The following CTNNA3 variants were observed in gnomAD, a reference collection of about 807,000 sequenced individuals.
CTNNA3 encodes catenin alpha-3.
CTNNA3 carries 76 observed loss-of-function variants against 95.7 expected under a neutral mutation model. That is an observed-to-expected ratio of 0.79 (90% CI 0.66 to 0.96). CTNNA3 has a LOEUF of 0.96. Among genes scored for constraint, CTNNA3 ranks in the 40% least tolerant of loss-of-function variants. CTNNA3 has a pLI of 0.00. For synonymous variants in CTNNA3, 431 were observed against 374.4 expected (o/e 1.15, Z -1.74); for missense variants, 1,191 against 1,089.8 (o/e 1.09, Z -1.31).
exon 1 of CTNNA3, among the ~76,000 whole-genome samples, chr10:67,763,456 T>C (rs960284251): frequency 2.0e-5 from 3 of 152,194 alleles, no homozygotes; most frequent in African/African-American, 7.2e-5. Context: ...AGTCACAACA[T>C]AGAGGCTTCC....
chr10:67,319,218 C>T (rs1257948694), intron 5 of CTNNA3, among the ~76,000 whole-genome samples: 2 of 152,190 alleles, frequency 1.3e-5, no homozygotes, highest in Non-Finnish European at 2.9e-5. Context: ...TCCTGTGTGA[C>T]TTCACTAAAA....
chr10:67,006,257 T>C (rs1057315420), intron 7 of CTNNA3, among the ~76,000 whole-genome samples: 3 of 152,114 alleles, frequency 2.0e-5, no homozygotes, highest in African/African-American at 7.2e-5. Context: ...AGCTGTACTC[T>C]CTTCTCTACA....
At chr10:67,433,031 G>A (rs948535150) in intron 5 of CTNNA3, among the ~76,000 whole-genome samples, 1 of 151,918 alleles carries the variant, frequency 6.6e-6, no homozygotes, top group South Asian at 2.1e-4. Flanking sequence ...TTCACAACTT[G>A]GCTGTTTGGC....
In CTNNA3 at chr10:66,379,259, C is replaced by A. The variant is rs750542481; in HGVS notation, c.1625G>T (p.Gly542Val). The A allele has an allele frequency of 1.2e-6, 2 of 1,613,988 alleles. No homozygotes were observed. Among genetic ancestry groups the A allele is most frequent in the East Asian group, 4.5e-5 (2 of 44,878 alleles). ...NLDRAAGAIR[G>V]RAARVAHIVT... Reference sequence around the variant, plus strand: ...GATGTGAGCAACTCTTGCTGCCCGGCCTCTGATAGCACCCGCAGCACGGTC... The same window carrying A: ...GATGTGAGCAACTCTTGCTGCCCGGACTCTGATAGCACCCGCAGCACGGTC... Residue 542 changes from glycine to valine, a missense_variant, in exon 12 of 18, where the codon GGC (glycine) becomes GTC (valine). Transcript: ENST00000433211.
chr10:66,589,685 C>G (rs1843479960), intron 10 of CTNNA3, among the ~76,000 whole-genome samples: 1 of 152,138 alleles, frequency 6.6e-6, no homozygotes, highest in African/African-American at 2.4e-5. Flanking sequence ...GAGATGTTGT[C>G]ATATTAACAG....
intron 2 of CTNNA3, among the ~76,000 whole-genome samples, chr10:67,611,414 C>T (rs893379816): frequency 2.6e-5 from 4 of 152,040 alleles, no homozygotes; most frequent in Non-Finnish European, 4.4e-5. Context: ...CCCAGGTTCA[C>T]ACCATTCGCC....
intron 7 of CTNNA3, among the ~76,000 whole-genome samples, chr10:67,043,912 A>T (rs1358636831): frequency 6.6e-6 from 1 of 151,802 alleles, no homozygotes; most frequent in Non-Finnish European, 1.5e-5. Context: ...ATTTTAATGC[A>T]AAAATAATCT....
In CTNNA3 at chr10:67,449,076, T is replaced by G. The variant is rs1443708953; in HGVS notation, c.579+72766A>C. The stretch of plus-strand genomic sequence containing the variant: ...AAAAGCCAAATCAGCCGAATCTCAT[T>G]TACAATTGACACAAAACGAATTAAA... On this transcript the variant is annotated intron_variant, in intron 5 of 17. Transcript: ENST00000433211. Among the ~76,000 whole-genome samples the G allele has an allele frequency of 2.6e-5, 4 of 151,908 alleles. No individual in the cohort carries two copies. In the East Asian group the frequency reaches 5.8e-4, roughly 22 times the overall value.
intron 5 of CTNNA3, among the ~76,000 whole-genome samples, chr10:67,347,962 C>A (rs1338478427): frequency 1.3e-5 from 2 of 152,060 alleles, no homozygotes; most frequent in African/African-American, 4.8e-5. Flanking sequence ...TACCTGTACT[C>A]TGCTTCACCA....
chr10:67,430,412 C>T (rs1482601154), intron 5 of CTNNA3, among the ~76,000 whole-genome samples: 4 of 152,000 alleles, frequency 2.6e-5, no homozygotes, highest in Non-Finnish European at 1.5e-5. Context: ...ACTAGATGTC[C>T]TCTAAAATCT....
chr10:67,714,619 G>A (rs1841132000), intron 1 of CTNNA3, among the ~76,000 whole-genome samples: 1 of 152,186 alleles, frequency 6.6e-6, no homozygotes, highest in Non-Finnish European at 1.5e-5. Context: ...ATGCTAAAAT[G>A]AGTTAAGACT....
At chr10:66,613,488 G>A (rs1844401517) in intron 10 of CTNNA3, among the ~76,000 whole-genome samples, 1 of 151,960 alleles carries the variant, frequency 6.6e-6, no homozygotes, top group Non-Finnish European at 1.5e-5. Context: ...AAGATACAGG[G>A]CAGTGATAGG....
chr10:66,538,801 TC>T (rs1222375224), intron 10 of CTNNA3, among the ~76,000 whole-genome samples: 9 of 152,158 alleles, frequency 5.9e-5, no homozygotes, highest in Admixed American at 2.0e-4. Context: ...ACAAATTCTA[TC>T]CTAGCTAGAG....
chr10:66,889,241 G>C (rs1182111601), intron 7 of CTNNA3, among the ~76,000 whole-genome samples: 1 of 152,166 alleles, frequency 6.6e-6, no homozygotes, highest in Non-Finnish European at 1.5e-5. Flanking sequence ...GGATGAATAG[G>C]TGGGACACAG....
intron 9 of CTNNA3, among the ~76,000 whole-genome samples, chr10:66,706,644 T>TA (rs1261239575): frequency 1.3e-5 from 2 of 152,076 alleles, no homozygotes; most frequent in African/African-American, 4.8e-5. Flanking sequence ...GCTTGCTTTT[T>TA]AGGCTATTGT....
At chr10:66,288,200 C>G (rs1407423199) in intron 12 of CTNNA3, among the ~76,000 whole-genome samples, 1 of 151,976 alleles carries the variant, frequency 6.6e-6, no homozygotes, top group Non-Finnish European at 1.5e-5. Context: ...TCTTCACACA[C>G]ATTTTTAAAA....
At chr10:67,037,214 G>A (rs1396135992) in intron 7 of CTNNA3, among the ~76,000 whole-genome samples, 2 of 152,096 alleles carry the variant, frequency 1.3e-5, no homozygotes, top group African/African-American at 4.8e-5. Flanking sequence ...ATGTTTACTT[G>A]TAAGTAATGT....
chr10:66,652,764 A>G (rs932949237), intron 9 of CTNNA3, among the ~76,000 whole-genome samples: 6 of 152,176 alleles, frequency 3.9e-5, no homozygotes, highest in African/African-American at 1.4e-4. Flanking sequence ...AACCAAATTC[A>G]TCAGTATATT....
chr10:66,292,960 T>C (rs1251104406), intron 12 of CTNNA3, among the ~76,000 whole-genome samples: 2 of 152,212 alleles, frequency 1.3e-5, no homozygotes, highest in Admixed American at 1.3e-4. Flanking sequence ...ATCTCATTTT[T>C]TCAGGCTACC....
Sources: allele counts gnomAD v4.1 joint callset (sites outside exome capture counted in the v4.1 genomes callset), GRCh38; gene constraint gnomAD v4.1.1; transcripts MANE v1.5; gene names NCBI Gene and HGNC (gene_info 2026-07-23, HGNC 2026-07-21).